Variants in IFT81 observed in about 807,000 individuals in gnomAD.
The protein encoded by IFT81 is intraflagellar transport 81.
A neutral mutation model predicts 102.6 loss-of-function variants in IFT81; 72 were observed. The observed-to-expected ratio is 0.70, with a 90% CI of 0.58 to 0.85. The LOEUF is 0.85. Among genes scored for constraint, IFT81 ranks in the 40% least tolerant of loss-of-function variants. IFT81 has a pLI of 0.00. For synonymous variants in IFT81, 237 were observed against 242.7 expected, an observed-to-expected ratio of 0.98 and a Z score of 0.22; for missense variants, 723 against 787.3, an observed-to-expected ratio of 0.92 and a Z score of 0.98.
Position 110,180,444 on chromosome 12 carries a change from T to A in IFT81, c.1211T>A (p.Leu404His). 6.2e-7 allele frequency: 1 copy of A among 1,606,686 alleles called. No individual in the cohort carries two copies. The highest frequency in any genetic ancestry group is 8.5e-7 in the Non-Finnish European group (1 of 1,174,494). Residue 404 changes from leucine to histidine, a missense_variant, in exon 12 of 19, where the codon CTT becomes CAT. Transcript: ENST00000242591. ...GDEFKRYVNK[L>H]RSKSTVFKKK... ...CAGTTCAAACGATATGTCAATAAAC[T>A]TCGAAGCAAGAGTACAGTTTTCAAA... is the stretch of plus-strand genomic sequence containing the variant.
intron 18 of IFT81, among the ~76,000 whole-genome samples, chr12:110,214,272 T>C (rs1869815112): frequency 6.9e-6 from 1 of 145,874 alleles, no homozygotes; most frequent in South Asian, 2.1e-4. Context: ...CAAAATTGAC[T>C]TTTTTTTTTT....
At chr12:110,201,357 G>A (rs965931017) in intron 14 of IFT81, among the ~76,000 whole-genome samples, 1 of 150,020 alleles carries the variant, frequency 6.7e-6, no homozygotes, top group African/African-American at 2.5e-5. Context: ...AGCCAAGATC[G>A]TACCATTGCA....
chr12:110,163,199 A>T, intron 11 of IFT81, 134 bp downstream of exon 11: 1 of 670,208 alleles, frequency 1.5e-6, no homozygotes, highest in Non-Finnish European at 2.4e-6. Flanking sequence ...TTTAAAACTG[A>T]AGAGTCTTTT....
chr12:110,216,780 T>G, intron 18 of IFT81: 1 of 356,624 alleles, frequency 2.8e-6, no homozygotes. Context: ...CCCACCTATA[T>G]AGCATGAGTC....
chr12:110,128,972 G>A lies in IFT81; in HGVS notation c.271G>A (p.Val91Met), dbSNP rs1593273161. 6.2e-7 allele frequency: 1 copy of A among 1,613,526 alleles called. No individual in the cohort carries two copies. The highest frequency in any genetic ancestry group is 8.5e-7 in the Non-Finnish European group (1 of 1,179,804). Residue 91 changes from valine (V) to methionine (M), a missense_variant, in exon 4 of 19, where the codon GTG becomes ATG. Val to Met is a conservative substitution (Grantham distance 21, BLOSUM62 1). Coordinates refer to ENST00000242591, the MANE Select transcript of IFT81 (RefSeq NM_014055.4). ...TDMSTFRQGLVIGSKPVIYPV... is the reference protein window; with the variant it reads ...TDMSTFRQGLMIGSKPVIYPV... ...TAGGAGTACTTTTCGTCAGGGTTTG[G>A]TGATTGGAAGTAAACCTGTAATTTA...
At chr12:110,213,895 A>T (rs1869768015) in intron 18 of IFT81, among the ~76,000 whole-genome samples, 1 of 152,126 alleles carries the variant, frequency 6.6e-6, no homozygotes, top group South Asian at 2.1e-4. Flanking sequence ...GTAGACTTTG[A>T]TGGCTTCTTT....
chr12:110,155,620 A>G (rs1026261514), intron 10 of IFT81, among the ~76,000 whole-genome samples: 9 of 152,132 alleles, frequency 5.9e-5, no homozygotes, highest in African/African-American at 1.9e-4. Flanking sequence ...CCTGGATCAC[A>G]TGTTTTTTGT....
intron 11 of IFT81, among the ~76,000 whole-genome samples, chr12:110,172,475 G>A (rs1244556029): frequency 6.6e-6 from 1 of 152,114 alleles, no homozygotes; most frequent in Non-Finnish European, 1.5e-5. Context: ...TCGGCTCACT[G>A]CAACCTCCCT....
intron 10 of IFT81, among the ~76,000 whole-genome samples, chr12:110,151,061 G>T (rs921194540): frequency 6.6e-6 from 1 of 151,998 alleles, no homozygotes; most frequent in Admixed American, 6.6e-5. Flanking sequence ...CATTTAAAGT[G>T]TACACTTCAG....
chr12:110,178,329 G>T (rs1245301412), intron 11 of IFT81, among the ~76,000 whole-genome samples: 1 of 148,232 alleles, frequency 6.7e-6, no homozygotes, highest in Non-Finnish European at 1.5e-5. Flanking sequence ...CAGGAGATTT[G>T]CTTGAACCTG....
intron 11 of IFT81, among the ~76,000 whole-genome samples, chr12:110,179,773 T>TAGACAC (rs774113734): frequency 2.0e-5 from 1 of 50,492 alleles, no homozygotes; most frequent in Non-Finnish European, 4.1e-5. Context: ...TATATATATA[T>TAGACAC]ACACACACAC....
At chr12:110,183,811 A>G (rs565808547) in intron 12 of IFT81, among the ~76,000 whole-genome samples, 3 of 152,278 alleles carry the variant, frequency 2.0e-5, no homozygotes, top group East Asian at 1.9e-4. Flanking sequence ...TGGGGATTCA[A>G]GGTTCTCAAG....
At chr12:110,152,909 C>T (rs1242887894) in intron 10 of IFT81, among the ~76,000 whole-genome samples, 7 of 152,122 alleles carry the variant, frequency 4.6e-5, no homozygotes, top group Admixed American at 1.3e-4. Flanking sequence ...ATGTTAATCC[C>T]GCATCAGATA....
intron 11 of IFT81, among the ~76,000 whole-genome samples, chr12:110,169,446 C>T (rs926668766): frequency 2.5e-4 from 38 of 152,136 alleles, no homozygotes; most frequent in African/African-American, 7.0e-4. Context: ...GGACCCCTGA[C>T]ACAGATGGAT....
At chr12:110,169,724 G>C (rs1334290457) in intron 11 of IFT81, among the ~76,000 whole-genome samples, 1 of 151,706 alleles carries the variant, frequency 6.6e-6, no homozygotes, top group Non-Finnish European at 1.5e-5. Context: ...CACCATGCCC[G>C]ACTAATTTTT....
At chr12:110,211,614 G>A (rs993872090) in intron 18 of IFT81, among the ~76,000 whole-genome samples, 6 of 151,882 alleles carry the variant, frequency 4.0e-5, no homozygotes, top group African/African-American at 1.5e-4. Context: ...ATAAACCCCT[G>A]TAACTGAGAT....
chr12:110,155,371 C>T (rs550780981), intron 10 of IFT81, among the ~76,000 whole-genome samples: 12 of 152,094 alleles, frequency 7.9e-5, no homozygotes, highest in Non-Finnish European at 1.5e-4. Flanking sequence ...AGTACAATGG[C>T]GCGATCTCAG....
chr12:110,189,923 C>T (rs1388820500), intron 12 of IFT81, among the ~76,000 whole-genome samples: 1 of 152,124 alleles, frequency 6.6e-6, no homozygotes, highest in African/African-American at 2.4e-5. Context: ...AAAATATACA[C>T]AGAACCATTT....
At chr12:110,139,699 G>A (rs1409349258) in intron 8 of IFT81, among the ~76,000 whole-genome samples, 2 of 148,398 alleles carry the variant, frequency 1.3e-5, no homozygotes, top group Admixed American at 6.8e-5. Flanking sequence ...GCATGAACCC[G>A]GGAGGCAGAG....
Sources: allele counts gnomAD v4.1 joint callset (sites outside exome capture counted in the v4.1 genomes callset), GRCh38; gene constraint gnomAD v4.1.1; transcripts MANE v1.5; gene names NCBI Gene and HGNC (gene_info 2026-07-23, HGNC 2026-07-21).